Variants in TMT1A observed in about 807,000 individuals in gnomAD.
TMT1A encodes thiol methyltransferase 1A.
At chr12:50,932,100 G>C in the TMT1A span, 4 of 152,092 alleles carry the variant, frequency 2.6e-5, no homozygotes, top group Admixed American at 2.6e-4. Context: ...GGTGGTTAAG[G>C]TTCTTGGGTT....
chr12:50,926,508 G>C, the TMT1A span, among the ~76,000 whole-genome samples: 17 of 152,270 alleles, frequency 1.1e-4, no homozygotes, highest in African/African-American at 4.1e-4. Context: ...ATTTGTAATT[G>C]CACAAACTGG....
chr12:50,925,071 C>CAA, the TMT1A span: 1 of 1,614,048 alleles, frequency 6.2e-7, no homozygotes, highest in Non-Finnish European at 8.5e-7. Flanking sequence ...TGAGACTGGC[C>CAA]ATTTACATCC....
the TMT1A span, chr12:50,925,437 G>A: frequency 3.7e-6 from 6 of 1,614,210 alleles, no homozygotes; most frequent in Non-Finnish European, 5.1e-6. Flanking sequence ...TGCACCAGGT[G>A]GCTGATGGCT....
chr12:50,930,195 C>A, the TMT1A span: 1 of 1,428,816 alleles, frequency 7.0e-7, no homozygotes, highest in Non-Finnish European at 9.4e-7. Context: ...GAATTTAAAG[C>A]TTCAGTTTTA....
chr12:50,929,377 TA>T, the TMT1A span, among the ~76,000 whole-genome samples: 1 of 152,202 alleles, frequency 6.6e-6, no homozygotes, highest in Non-Finnish European at 1.5e-5. Context: ...GAGCCAAGAC[TA>T]GGATAACTAG....
chr12:50,929,278 T>G, the TMT1A span, among the ~76,000 whole-genome samples: 1 of 152,134 alleles, frequency 6.6e-6, no homozygotes, highest in African/African-American at 2.4e-5. Flanking sequence ...TTCCAATTTT[T>G]CTATTCGTAA....
the TMT1A span, chr12:50,929,922 T>C: frequency 6.3e-7 from 1 of 1,599,592 alleles, no homozygotes; most frequent in Non-Finnish European, 8.5e-7. Flanking sequence ...AGGGAGGGGC[T>C]TTCTATTTCA....
At chr12:50,930,254 G>T in the TMT1A span, 10 of 842,698 alleles carry the variant, frequency 1.2e-5, no homozygotes, top group Admixed American at 6.9e-5. Flanking sequence ...TTGGGGGGCG[G>T]TTTTTTTGGT....
At chr12:50,925,426 A>T in the TMT1A span, 6 of 1,614,216 alleles carry the variant, frequency 3.7e-6, no homozygotes, top group Admixed American at 3.3e-5. Context: ...CGGGGAGAAC[A>T]TGCACCAGGT....
At chr12:50,925,599 T>C in the TMT1A span, 1 of 1,514,000 alleles carries the variant, frequency 6.6e-7, no homozygotes, top group Non-Finnish European at 8.9e-7. Flanking sequence ...GGCAGGCCTG[T>C]CAATTTCAGG....
At chr12:50,929,068 T>A in the TMT1A span, among the ~76,000 whole-genome samples, 1 of 150,676 alleles carries the variant, frequency 6.6e-6, no homozygotes, top group Non-Finnish European at 1.5e-5. Flanking sequence ...CGAAACTCTG[T>A]CTCTATAAAA....
the TMT1A span, chr12:50,930,026 T>C: frequency 6.2e-7 from 1 of 1,614,158 alleles, no homozygotes; most frequent in Non-Finnish European, 8.5e-7. Flanking sequence ...GGGTGCAACC[T>C]GACCAGAGAG....
the TMT1A span, among the ~76,000 whole-genome samples, chr12:50,928,809 T>G: frequency 8.2e-3 from 1,244 of 152,174 alleles, 16 homozygotes; most frequent in African/African-American, 0.028. Context: ...CCCCAAACCT[T>G]CATATCCAGC....
chr12:50,926,101 C>T, the TMT1A span, among the ~76,000 whole-genome samples: 1 of 122,174 alleles, frequency 8.2e-6, no homozygotes, highest in African/African-American at 3.1e-5. Flanking sequence ...AACTACAAAA[C>T]AAGCTTGGAA....
At chr12:50,927,510 T>C in the TMT1A span, among the ~76,000 whole-genome samples, 2 of 152,198 alleles carry the variant, frequency 1.3e-5, no homozygotes, top group South Asian at 2.1e-4. Context: ...GGCACATTAG[T>C]AGATGTTTTG....
At chr12:50,930,242 T>C in the TMT1A span, 1 of 1,094,318 alleles carries the variant, frequency 9.1e-7, no homozygotes, top group Non-Finnish European at 1.3e-6. Flanking sequence ...GAAACCTTTT[T>C]TTTGGGGGGC....
chr12:50,928,939 A>AT, the TMT1A span, among the ~76,000 whole-genome samples: 1 of 152,072 alleles, frequency 6.6e-6, no homozygotes, highest in Non-Finnish European at 1.5e-5. Context: ...TCCTATGAAG[A>AT]TTTTTTTTAA....
chr12:50,929,801 C>T, the TMT1A span: 18 of 895,728 alleles, frequency 2.0e-5, no homozygotes, highest in South Asian at 5.0e-5. Flanking sequence ...CAGAACTCTA[C>T]GGTTCTCTCA....
the TMT1A span, among the ~76,000 whole-genome samples, chr12:50,926,045 A>G: frequency 0.6 from 74,644 of 125,364 alleles, 21,912 homozygotes; most frequent in South Asian, 0.66. Context: ...AAAAAGAAAG[A>G]AAGAAAAAAA....
Sources: gnomAD v4.1 joint callset for allele counts (sites outside exome capture counted in the v4.1 genomes callset) on GRCh38, gnomAD v4.1.1 for gene constraint, MANE v1.5 for transcripts, NCBI Gene and HGNC (gene_info 2026-07-23, HGNC 2026-07-21) for gene names.